F2: variants seen among roughly 807,000 people sequenced by gnomAD.
F2 encodes the protein prothrombin.
Under a neutral mutation model 81.9 loss-of-function variants are expected in F2, and 34 were observed. That is an observed-to-expected ratio of 0.42 (90% CI 0.32 to 0.55). The LOEUF (loss-of-function observed/expected upper bound fraction) is 0.55, where lower values mean the gene tolerates loss of function less well. Among genes scored for constraint, F2 ranks in the 20% least tolerant of loss-of-function variants. F2 has a pLI of 0.18. For missense variants in F2, 630 were observed against 833.4 expected (o/e 0.76, Z 3.00); for synonymous variants, 296 against 326.4 (o/e 0.91, Z 1.01).
Position 46,726,394 on chromosome 11 carries a change from T to G in F2, c.875-104T>G. On this transcript the variant is annotated intron_variant, in intron 7 of 13. Transcript: ENST00000311907. The surrounding 1 kb of genome is among the most constrained non-coding windows in gnomAD (Gnocchi z 5.9). ...CCCAACTGTGCATGCACGCTTAACC[T>G]CTGCACCAAATGGCCTCCAAGGCCC... 6.5e-7 allele frequency: 1 copy of G among 1,548,696 alleles called. No homozygotes were observed. The highest frequency in any genetic ancestry group is 8.7e-7 in the Non-Finnish European group (1 of 1,145,620).
intron 12 of F2, among the ~76,000 whole-genome samples, chr11:46,735,711 T>G (rs888569853): frequency 1.4e-5 from 2 of 143,880 alleles, no homozygotes; most frequent in African/African-American, 2.6e-5. Context: ...TCACCTGAGG[T>G]CAGGAGTTCA....
At chr11:46,721,608 A>G (rs1336838220) in intron 4 of F2, among the ~76,000 whole-genome samples, 1 of 152,236 alleles carries the variant, frequency 6.6e-6, no homozygotes, top group Non-Finnish European at 1.5e-5. Flanking sequence ...GGACTGCTTC[A>G]AATGTCACCA....
intron 12 of F2, among the ~76,000 whole-genome samples, chr11:46,735,577 C>T (rs1267039747): frequency 6.6e-6 from 1 of 151,884 alleles, no homozygotes; most frequent in Non-Finnish European, 1.5e-5. Flanking sequence ...GAGCTATGAC[C>T]GCACCATTGC....
chr11:46,727,183 G>A lies in F2; in HGVS notation c.1130+346G>A, dbSNP rs765218944. Among the ~76,000 whole-genome samples the A allele has an allele frequency of 5.2e-4, 79 of 152,034 alleles. 1 individual carries two copies. The highest frequency in any genetic ancestry group is 2.8e-4 in the Non-Finnish European group (19 of 68,004). On this transcript the variant is annotated intron_variant, in intron 9 of 13. Transcript: ENST00000311907. ...TTTACAGACATGCGCCACCACACCC[G>A]GCTAATTTTTGTATTTTAAGTAGAG...
chr11:46,719,446 GGAA>G lies in F2; in HGVS notation c.79+137_79+139del. 1 of 1,139,618 alleles carries G rather than the reference GGAA, an allele frequency of 8.8e-7. No individual in the cohort carries two copies. The highest frequency in any genetic ancestry group is 1.3e-6 in the Non-Finnish European group (1 of 780,986). The allele number at this position is 1,139,618 out of a possible 1,614,324, so 70.6% of individuals were successfully genotyped here. ...TCTCAGCCCCAGGCGGCCAGCTTAGGGAAGAAGTCAGGAGCTCAGGGCTGGAAA... is the reference window on the plus strand; with the variant it reads ...TCTCAGCCCCAGGCGGCCAGCTTAGGGAAGTCAGGAGCTCAGGGCTGGAAA... On this transcript the variant is annotated intron_variant, in intron 1 of 13. Coordinates refer to ENST00000311907, the MANE Select transcript of F2 (RefSeq NM_000506.5). The surrounding 1 kb of genome is among the most constrained non-coding windows in gnomAD (Gnocchi z 4.7).
chr11:46,722,478 C>T (rs1349194021), intron 4 of F2, among the ~76,000 whole-genome samples: 3 of 152,096 alleles, frequency 2.0e-5, no homozygotes, highest in Non-Finnish European at 4.4e-5. Context: ...ATCCTAGCTA[C>T]TAGGGAGGCT....
chr11:46,720,001 G>A, intron 2 of F2, 139 bp downstream of exon 2: 1 of 1,243,622 alleles, frequency 8.0e-7, no homozygotes, highest in South Asian at 1.3e-5. Context: ...CCTCCTCACA[G>A]GGCTGGCAAG....
chr11:46,733,978 G>A (rs1424992226), intron 12 of F2, among the ~76,000 whole-genome samples: 4 of 151,878 alleles, frequency 2.6e-5, no homozygotes, highest in African/African-American at 9.7e-5. Flanking sequence ...AGTAGAGACA[G>A]GGTTTTACCA....
At chr11:46,720,649 C>A in intron 3 of F2, 102 bp downstream of exon 3, 1 of 1,507,672 alleles carries the variant, frequency 6.6e-7, no homozygotes, top group Non-Finnish European at 9.2e-7. Flanking sequence ...ATCCACCCAT[C>A]CACCCCTTCC....
intron 12 of F2, among the ~76,000 whole-genome samples, chr11:46,733,588 C>T (rs913711196): frequency 1.3e-5 from 2 of 152,036 alleles, no homozygotes; most frequent in African/African-American, 4.8e-5. Context: ...AATTTCTTTC[C>T]ATAAGGGTTG....
chr11:46,726,053 A>C lies in F2; in HGVS notation c.754A>C (p.Asn252His), dbSNP rs2064870135. 4.3e-6 allele frequency: 7 copies of C among 1,614,186 alleles called. No homozygotes were observed. Among genetic ancestry groups the C allele is most frequent in the Non-Finnish European group, 5.9e-6 (7 of 1,180,028 alleles). ...AKALSKHQDF[N>H]SAVQLVENFC... Reference sequence around the variant, plus strand: ...GGCCCTGAGCAAGCACCAGGACTTCAACTCAGCTGTGCAGCTGGTGGAGAA... The same window carrying C: ...GGCCCTGAGCAAGCACCAGGACTTCCACTCAGCTGTGCAGCTGGTGGAGAA... Residue 252 changes from asparagine (N) to histidine (H), a missense_variant, in exon 7 of 14, where the codon AAC (asparagine) becomes CAC (histidine). By Grantham distance (68) the Asn-to-His change is moderately conservative. Transcript: ENST00000311907. This position sits in a 1 kb window ranked among gnomAD's most constrained non-coding sequence, Gnocchi z 5.9.
At position 46,728,707 on chromosome 11, in the gene F2, T is replaced by C. The variant is rs1217832783; in HGVS notation, c.1342T>C (p.Tyr448His). 1 of 1,614,226 alleles carries C rather than the reference T, an allele frequency of 6.2e-7. No individual in the cohort carries two copies. Among genetic ancestry groups the C allele is most frequent in the South Asian group, 1.1e-5 (1 of 91,084 alleles). Residue 448 changes from tyrosine to histidine, a missense_variant, in exon 11 of 14, where the codon TAC becomes CAC. Tyr to His is a moderately conservative substitution (Grantham distance 83). Transcript: ENST00000311907. This position sits in a 1 kb window ranked among gnomAD's most constrained non-coding sequence, Gnocchi z 5.1. ...IEKISMLEKI[Y>H]IHPRYNWREN... is the part of the protein sequence containing the mutation. The stretch of plus-strand genomic sequence containing the variant: ...AAAGATATCCATGTTGGAAAAGATC[T>C]ACATCCACCCCAGGTACAACTGGCG...
At position 46,739,452 on chromosome 11, in the gene F2, G is replaced by T. The variant is rs759287343; in HGVS notation, c.*44G>T. 5.6e-5 allele frequency: 91 copies of T among 1,612,280 alleles called. 2 individuals are homozygous for T. The Middle Eastern group carries it at 9.0e-4, about 16-fold the overall frequency. On this transcript the variant is annotated 3_prime_UTR_variant, in exon 14 of 14. Coordinates refer to ENST00000311907, the MANE Select transcript of F2 (RefSeq NM_000506.5). ...GGCTCCTGGAACCAATCCCGTGAAA[G>T]AATTATTTTTGTGTTTCTAAAACTA...
chr11:46,739,080 G>A lies in F2; in HGVS notation c.1687G>A (p.Ala563Thr). Reference protein sequence around the residue: ...YKPDEGKRGDACEGDSGGPFV... With the variant: ...YKPDEGKRGDTCEGDSGGPFV... The stretch of plus-strand genomic sequence containing the variant: ...GCCTGATGAAGGGAAACGAGGGGAT[G>A]CCTGTGAAGGTGACAGTGGGGGACC... Residue 563 changes from alanine (A) to threonine (T), a missense_variant, in exon 13 of 14, where the codon GCC (alanine) becomes ACC (threonine). Coordinates refer to ENST00000311907, the MANE Select transcript of F2 (RefSeq NM_000506.5). 1.2e-6 allele frequency: 2 copies of A among 1,614,248 alleles called. No individual in the cohort carries two copies. The highest frequency in any genetic ancestry group is 1.7e-6 in the Non-Finnish European group (2 of 1,180,038).
In F2 at chr11:46,728,751, C is replaced by A; in HGVS notation, c.1386C>A (p.Asp462Glu). ...RYNWRENLDRDIALMKLKKPV... is the reference protein window; with the variant it reads ...RYNWRENLDREIALMKLKKPV... ...ACTGGCGGGAGAACCTGGACCGGGA[C>A]ATTGCCCTGATGAAGCTGAAGAAGC... Residue 462 changes from aspartate (D) to glutamate (E), a missense_variant, in exon 11 of 14, where the codon GAC becomes GAA. Physicochemically the swap from Asp to Glu is conservative, Grantham distance 45. Transcript: ENST00000311907. The surrounding 1 kb of genome is among the most constrained non-coding windows in gnomAD (Gnocchi z 5.1). 1 of 1,614,228 alleles carries A rather than the reference C, an allele frequency of 6.2e-7. No homozygotes were observed. Among genetic ancestry groups the A allele is most frequent in the East Asian group, 2.2e-5 (1 of 44,884 alleles).
At chr11:46,725,782 G>C (rs899075532) in intron 6 of F2, 77 bp from the exon 7 acceptor site, 2 of 1,514,816 alleles carry the variant, frequency 1.3e-6, no homozygotes, top group Non-Finnish European at 1.8e-6. Flanking sequence ...CAGCAAGACC[G>C]GGGTTCACAC....
intron 2 of F2, 121 bp from the exon 3 acceptor site, chr11:46,720,401 TC>T (rs2064828920): frequency 2.6e-6 from 3 of 1,143,980 alleles, no homozygotes; most frequent in Non-Finnish European, 3.9e-6. Context: ...GCCACAAACC[TC>T]CCCAGAGCCT....
chr11:46,738,067 G>A (rs937414147), intron 12 of F2, among the ~76,000 whole-genome samples: 9 of 151,930 alleles, frequency 5.9e-5, no homozygotes, highest in Middle Eastern at 3.4e-3. Flanking sequence ...GTGCAATCCC[G>A]GCTCACTGCA....
rs760827174 is a variant in F2 at position 46,726,707 on chromosome 11, G to A, written c.1004-4G>A. The A allele has an allele frequency of 6.2e-7, 1 of 1,614,236 alleles. No homozygotes were observed. Among genetic ancestry groups the A allele is most frequent in the Admixed American group, 1.7e-5 (1 of 60,036 alleles). On this transcript the variant is annotated splice_polypyrimidine_tract_variant and splice_region_variant and intron_variant, in intron 8 of 13. Transcript: ENST00000311907. The surrounding 1 kb of genome is among the most constrained non-coding windows in gnomAD (Gnocchi z 5.9). ...TGCCCCTCACTGCTTGGCTTGCTCT[G>A]CAGACTGTGGGCTGCGACCTCTGTT...
Sources: allele counts gnomAD v4.1 joint callset (sites outside exome capture counted in the v4.1 genomes callset), GRCh38; gene constraint gnomAD v4.1.1; non-coding constraint Gnocchi (gnomAD v3.1); transcripts MANE v1.5; gene names NCBI Gene and HGNC (gene_info 2026-07-23, HGNC 2026-07-21).